The following FBXO21 variants were observed in gnomAD, a reference collection of about 807,000 sequenced individuals.
The protein encoded by FBXO21 is F-box only protein 21.
A neutral mutation model predicts 76.6 loss-of-function variants in FBXO21; 32 were observed. The ratio of observed to expected loss-of-function variants is 0.42; its 90% confidence interval spans 0.32 to 0.56. FBXO21 has a LOEUF of 0.56. Among genes scored for constraint, FBXO21 ranks in the 20% least tolerant of loss-of-function variants. The pLI is 0.16. For synonymous variants in FBXO21, 328 were observed against 311.5 expected (o/e 1.05, Z -0.56); for missense variants, 586 against 797.3 (o/e 0.73, Z 3.19).
Position 117,185,462 on chromosome 12 carries a change from A to G in FBXO21, c.470+1015T>C, listed in dbSNP as rs530640081. Among the ~76,000 whole-genome samples, 7 of 152,366 alleles carry G rather than the reference A, an allele frequency of 4.6e-5. No individual in the cohort carries two copies. In the South Asian group the frequency reaches 1.4e-3, roughly 32 times the overall value. ...ACATTCTTATCTTCCATCACTAGAA[A>G]GTTTTCAGAACTTTTAGAACAGAAA... On this transcript the variant is annotated intron_variant, in intron 3 of 11. Transcript: ENST00000622495.
At chr12:117,175,341 G>A (rs1054094574) in intron 4 of FBXO21, among the ~76,000 whole-genome samples, 6 of 152,188 alleles carry the variant, frequency 3.9e-5, no homozygotes, top group East Asian at 1.9e-4. Context: ...AGTTATGCTC[G>A]GGGAACCTAC....
chr12:117,174,561 T>C (rs1311045776), intron 5 of FBXO21, 90 bp downstream of exon 5: 7 of 1,454,604 alleles, frequency 4.8e-6, no homozygotes, highest in Middle Eastern at 1.8e-4. Flanking sequence ...TTTCATGACA[T>C]AATGGCAGCA....
chr12:117,172,904 T>C (rs1956132248), intron 6 of FBXO21, among the ~76,000 whole-genome samples: 1 of 152,236 alleles, frequency 6.6e-6, no homozygotes, highest in South Asian at 2.1e-4. Flanking sequence ...CAAATTTCAA[T>C]GTCCATATAT....
intron 9 of FBXO21, among the ~76,000 whole-genome samples, chr12:117,160,930 G>C (rs562926670): frequency 6.6e-6 from 1 of 152,186 alleles, no homozygotes; most frequent in East Asian, 1.9e-4. Context: ...CACTGCACCT[G>C]GCAGTTATTT....
At chr12:117,146,742 A>G (rs1209272154) in intron 11 of FBXO21, among the ~76,000 whole-genome samples, 1 of 152,074 alleles carries the variant, frequency 6.6e-6, no homozygotes. Context: ...CATGCAGACC[A>G]CACTTTCCAC....
In FBXO21 at chr12:117,184,203, C is replaced by A. The variant is rs548222483; in HGVS notation, c.470+2274G>T. Among the ~76,000 whole-genome samples, 6 of 152,016 alleles carry A rather than the reference C, an allele frequency of 3.9e-5. No individual in the cohort carries two copies. The South Asian group carries it at 1.2e-3, about 32-fold the overall frequency. On this transcript the variant is annotated intron_variant, in intron 3 of 11. Coordinates refer to ENST00000622495, the MANE Select transcript of FBXO21 (RefSeq NM_015002.3). ...AAAGAAAAAAGCAAAACAACTCCCC[C>A]CTGCTCACCACCCCCAACAAAAATA...
chr12:117,147,306 AAG>A (rs72214930), intron 11 of FBXO21, among the ~76,000 whole-genome samples: 20,054 of 126,442 alleles, frequency 0.16, 1,909 homozygotes, highest in East Asian at 0.36. Flanking sequence ...AAAAAAAAAA[AAG>A]AAAAAAAAAA....
chr12:117,173,436 T>C (rs1185886001), intron 6 of FBXO21, among the ~76,000 whole-genome samples: 1 of 152,176 alleles, frequency 6.6e-6, no homozygotes, highest in Non-Finnish European at 1.5e-5. Flanking sequence ...CAAGGAAAAG[T>C]GTGTACGATA....
chr12:117,190,127 G>A, intron 1 of FBXO21, 91 bp downstream of exon 1: 1 of 647,706 alleles, frequency 1.5e-6, no homozygotes, highest in Non-Finnish European at 1.9e-6. Flanking sequence ...CCGCGCGCGG[G>A]GCGGCCGCGG....
intron 9 of FBXO21, among the ~76,000 whole-genome samples, chr12:117,159,447 C>G (rs1955953596): frequency 6.6e-6 from 1 of 152,098 alleles, no homozygotes; most frequent in South Asian, 2.1e-4. Flanking sequence ...AACTCTTGGT[C>G]TCAACCAGTG....
chr12:117,186,081 T>C (rs1312113968), intron 3 of FBXO21, among the ~76,000 whole-genome samples: 1 of 152,204 alleles, frequency 6.6e-6, no homozygotes, highest in African/African-American at 2.4e-5. Context: ...TTCACCACGT[T>C]GGCCAGGCTG....
At chr12:117,148,605 G>A (rs1955805385) in intron 11 of FBXO21, among the ~76,000 whole-genome samples, 2 of 152,254 alleles carry the variant, frequency 1.3e-5, no homozygotes, top group Admixed American at 1.3e-4. Flanking sequence ...CCCCACAGCG[G>A]TGTCACAGGC....
At chr12:117,186,696 AC>A in intron 2 of FBXO21, 125 bp from the exon 3 acceptor site, 1 of 596,096 alleles carries the variant, frequency 1.7e-6, no homozygotes, top group South Asian at 2.2e-5. Context: ...ATTCTACACT[AC>A]CTTGCACTAC....
chr12:117,182,888 T>C (rs1452549815), intron 3 of FBXO21, among the ~76,000 whole-genome samples: 1 of 151,978 alleles, frequency 6.6e-6, no homozygotes, highest in Non-Finnish European at 1.5e-5. Flanking sequence ...GGCCAGGAGT[T>C]TAGTAACTGC....
chr12:117,183,339 C>A (rs997491874), intron 3 of FBXO21, among the ~76,000 whole-genome samples: 1 of 151,942 alleles, frequency 6.6e-6, no homozygotes, highest in Non-Finnish European at 1.5e-5. Context: ...CAACCTCTGC[C>A]TCCCACGCCT....
intron 3 of FBXO21, among the ~76,000 whole-genome samples, chr12:117,183,290 A>G (rs1414847987): frequency 6.7e-6 from 1 of 149,744 alleles, no homozygotes; most frequent in Non-Finnish European, 1.5e-5. Context: ...CACTCTTGTC[A>G]CCCAGGCTGG....
chr12:117,143,854 GT>G lies in FBXO21; in HGVS notation c.*2232del, dbSNP rs1955739991. ...TGGCATTCATTTGAAGAGAAAAGAA[GT>G]TGCTATATCCAAATATTTAACATTT... On this transcript the variant is annotated 3_prime_UTR_variant, in exon 12 of 12. Coordinates refer to ENST00000622495, the MANE Select transcript of FBXO21 (RefSeq NM_015002.3). The G allele has an allele frequency of 1.3e-5, 2 of 152,620 alleles. No individual in the cohort carries two copies. The highest frequency in any genetic ancestry group is 4.8e-5 in the African/African-American group (2 of 41,434). The allele number at this position is 152,620 out of a possible 1,614,324, so 9.5% of individuals were successfully genotyped here. A position where few individuals can be genotyped will look rare whatever the true frequency, so the allele number is the denominator to read the frequency against.
chr12:117,174,276 G>C lies in FBXO21; in HGVS notation c.805C>G (p.Leu269Val). Residue 269 changes from leucine (L) to valine (V), a missense_variant, in exon 6 of 12, where the codon CTT becomes GTT. Transcript: ENST00000622495. ...SQVLDAMNYV[L>V]YDQLKFKGNR... ...CCCTTGAACTTCAGTTGGTCGTAAA[G>C]GACATAGTTCATGGCATCCAGCACC... is the stretch of plus-strand genomic sequence containing the variant. 6.2e-7 allele frequency: 1 copy of C among 1,613,486 alleles called. No homozygotes were observed. Among genetic ancestry groups the C allele is most frequent in the Non-Finnish European group, 8.5e-7 (1 of 1,179,398 alleles).
chr12:117,167,536 G>A (rs1218653801), intron 7 of FBXO21, among the ~76,000 whole-genome samples: 1 of 151,972 alleles, frequency 6.6e-6, no homozygotes, highest in Non-Finnish European at 1.5e-5. Context: ...CACAAGGTGA[G>A]CAGATTGTGA....
Sources: allele counts gnomAD v4.1 joint callset (sites outside exome capture counted in the v4.1 genomes callset), GRCh38; gene constraint gnomAD v4.1.1; transcripts MANE v1.5; gene names NCBI Gene and HGNC (gene_info 2026-07-23, HGNC 2026-07-21).